The following DNAI4 variants were observed in gnomAD, a reference collection of about 807,000 sequenced individuals.
DNAI4 encodes the protein dynein axonemal intermediate chain 4.
In DNAI4, 85 loss-of-function variants were observed where a neutral mutation model predicts 105.8. The observed-to-expected ratio is 0.80, with a 90% CI of 0.67 to 0.96. DNAI4 has a LOEUF of 0.96. Ranked by LOEUF, DNAI4 falls within the 40% of genes least tolerant of loss-of-function variation. The pLI is 0.00. For missense variants in DNAI4, 1,014 were observed against 1,005.6 expected (o/e 1.01, Z -0.11); for synonymous variants, 352 against 331.5 (o/e 1.06, Z -0.67).
At chr1:66,915,113 GA>G (rs1315341455) in intron 1 of DNAI4, among the ~76,000 whole-genome samples, 1 of 152,166 alleles carries the variant, frequency 6.6e-6, no homozygotes, top group African/African-American at 2.4e-5. Flanking sequence ...GCCCAAGACA[GA>G]ATGACCTTTG....
chr1:66,842,204 T>C (rs762838912), intron 8 of DNAI4, among the ~76,000 whole-genome samples: 1 of 152,190 alleles, frequency 6.6e-6, no homozygotes, highest in Non-Finnish European at 1.5e-5. Flanking sequence ...TGTATCATAG[T>C]TCATTTATCC....
At chr1:66,838,797 C>A (rs1182019078) in intron 9 of DNAI4, among the ~76,000 whole-genome samples, 1 of 152,194 alleles carries the variant, frequency 6.6e-6, no homozygotes, top group Middle Eastern at 3.2e-3. Context: ...AGAGGCATTA[C>A]TTTCTCTAAG....
chr1:66,900,226 C>T (rs1311842995), intron 2 of DNAI4, among the ~76,000 whole-genome samples: 8 of 152,052 alleles, frequency 5.3e-5, no homozygotes, highest in Admixed American at 1.3e-4. Context: ...CTCTGCCTCC[C>T]GAGTAGCTGG....
At chr1:66,868,474 T>C (rs1466387774) in intron 6 of DNAI4, among the ~76,000 whole-genome samples, 1 of 152,140 alleles carries the variant, frequency 6.6e-6, no homozygotes, top group African/African-American at 2.4e-5. Flanking sequence ...CTCTCTCCAA[T>C]GTGGTGGGCA....
At chr1:66,881,208 G>T (rs969395305) in intron 4 of DNAI4, among the ~76,000 whole-genome samples, 1 of 152,240 alleles carries the variant, frequency 6.6e-6, no homozygotes, top group African/African-American at 2.4e-5. Context: ...GAAATGTGGG[G>T]TGGGAGCCCC....
rs745526269 is a variant in DNAI4, at chr1:66,924,657, C to T, written c.170+5G>A. 2.5e-6 allele frequency: 4 copies of T among 1,614,262 alleles called. No individual in the cohort carries two copies. Among genetic ancestry groups the T allele is most frequent in the South Asian group, 1.1e-5 (1 of 91,088 alleles). On this transcript the variant is annotated splice_donor_5th_base_variant and intron_variant, in intron 1 of 16. Coordinates refer to ENST00000371026, the MANE Select transcript of DNAI4 (RefSeq NM_024763.5). ...TGGACTACGGTTTTTAGCGCCGGAACTTACAACCCGAAGTTCTGCTGCTTG... is the reference window on the plus strand; with the variant it reads ...TGGACTACGGTTTTTAGCGCCGGAATTTACAACCCGAAGTTCTGCTGCTTG...
chr1:66,880,839 G>A (rs1353792162), intron 4 of DNAI4, among the ~76,000 whole-genome samples: 1 of 152,172 alleles, frequency 6.6e-6, no homozygotes, highest in Non-Finnish European at 1.5e-5. Flanking sequence ...GGTCTTCATG[G>A]CAGCCCCTCG....
chr1:66,909,728 A>T (rs1030570027), intron 1 of DNAI4, among the ~76,000 whole-genome samples: 1 of 151,998 alleles, frequency 6.6e-6, no homozygotes, highest in Admixed American at 6.6e-5. Context: ...ATGGAAACTT[A>T]GCATGTCCAA....
intron 16 of DNAI4, among the ~76,000 whole-genome samples, chr1:66,817,476 G>T (rs1462823699): frequency 4.6e-5 from 7 of 152,112 alleles, no homozygotes; most frequent in Non-Finnish European, 8.8e-5. Context: ...GGGAGGCTGA[G>T]GTGGGACAAT....
intron 1 of DNAI4, among the ~76,000 whole-genome samples, chr1:66,905,754 C>T (rs546964210): frequency 7.2e-5 from 11 of 151,944 alleles, no homozygotes; most frequent in Non-Finnish European, 1.3e-4. Context: ...CTTAACTCAT[C>T]GGTTATTATG....
At chr1:66,871,256 G>T in intron 6 of DNAI4, 114 bp downstream of exon 6, 4 of 966,106 alleles carry the variant, frequency 4.1e-6, no homozygotes, top group Non-Finnish European at 5.8e-6. Context: ...TTGTGGTTTG[G>T]CCAAATTATT....
chr1:66,894,524 A>T (rs1648147823), intron 2 of DNAI4, among the ~76,000 whole-genome samples: 1 of 152,074 alleles, frequency 6.6e-6, no homozygotes, highest in African/African-American at 2.4e-5. Flanking sequence ...CATGTTTTCC[A>T]TTATGGATTG....
chr1:66,847,600 T>C lies in DNAI4; in HGVS notation c.1175A>G (p.Asp392Gly). 6.2e-7 allele frequency: 1 copy of C among 1,614,022 alleles called. No individual in the cohort carries two copies. Among genetic ancestry groups the C allele is most frequent in the Non-Finnish European group, 8.5e-7 (1 of 1,179,950 alleles). The change falls in exon 8 of 17, where the codon GAT becomes GGT. Residue 392 changes from aspartate to glycine, a missense_variant. Transcript: ENST00000371026. The part of the protein sequence containing the change: ...KIHEDEEDHS[D>G]AILKSDKFHQ... ...AAATTTGTCAGATTTTAATATTGCATCTGAGTGGTCTTCCTCATCTTCATG... is the reference window on the plus strand; with the variant it reads ...AAATTTGTCAGATTTTAATATTGCACCTGAGTGGTCTTCCTCATCTTCATG...
At chr1:66,858,531 T>C (rs1176807847) in intron 7 of DNAI4, among the ~76,000 whole-genome samples, 1 of 60,728 alleles carries the variant, frequency 1.6e-5, no homozygotes, top group Non-Finnish European at 2.7e-5. Flanking sequence ...AGACTCCGTC[T>C]CAAAAAAAAA....
At chr1:66,898,663 C>T (rs115694013) in intron 2 of DNAI4, among the ~76,000 whole-genome samples, 2,139 of 152,310 alleles carry the variant, frequency 0.014, 28 homozygotes, top group Non-Finnish European at 0.02. Context: ...GATGTGCCCA[C>T]TTGACCCTGG....
In DNAI4 at chr1:66,842,310, A is replaced by C. The variant is rs1241177230; in HGVS notation, c.1292-1639T>G. 2.0e-5 allele frequency among the ~76,000 whole-genome samples: 3 copies of C among 152,200 alleles called. No individual in the cohort carries two copies. In the East Asian group the frequency reaches 5.8e-4, roughly 29 times the overall value. Reference sequence around the variant, plus strand: ...CCATGTGCAGGTTTGGTGTGGACACAGTTTTCAGCTCATTTAGTTAATCAA... The same window carrying C: ...CCATGTGCAGGTTTGGTGTGGACACCGTTTTCAGCTCATTTAGTTAATCAA... On this transcript the variant is annotated intron_variant, in intron 8 of 16. Coordinates refer to ENST00000371026, the MANE Select transcript of DNAI4 (RefSeq NM_024763.5).
intron 16 of DNAI4, among the ~76,000 whole-genome samples, chr1:66,819,615 T>A (rs766357710): frequency 6.6e-6 from 1 of 152,222 alleles, no homozygotes; most frequent in African/African-American, 2.4e-5. Context: ...GAAAAATAAG[T>A]GTACGAAATA....
intron 7 of DNAI4, chr1:66,848,301 C>T (rs1170309102): frequency 6.6e-6 from 3 of 455,716 alleles, no homozygotes; most frequent in South Asian, 4.7e-5. Flanking sequence ...CGTCTCTCTC[C>T]CAGACCACAG....
chr1:66,834,609 C>T (rs1169831568), intron 11 of DNAI4, among the ~76,000 whole-genome samples: 1 of 151,942 alleles, frequency 6.6e-6, no homozygotes, highest in Non-Finnish European at 1.5e-5. Context: ...TTCACTCTTC[C>T]TCCTATGCTT....
Sources: gnomAD v4.1 joint callset for allele counts (sites outside exome capture counted in the v4.1 genomes callset) on GRCh38, gnomAD v4.1.1 for gene constraint, MANE v1.5 for transcripts, NCBI Gene and HGNC (gene_info 2026-07-23, HGNC 2026-07-21) for gene names.